The following CDH13 variants were observed in gnomAD, a reference collection of about 807,000 sequenced individuals.
CDH13 encodes the protein cadherin 13.
Under a neutral mutation model 63.8 loss-of-function variants are expected in CDH13, and 24 were observed. That is an observed-to-expected ratio of 0.38 (90% confidence interval 0.27 to 0.53). CDH13 has a LOEUF of 0.53. CDH13 is among the 20% of genes least tolerant of loss of function. The pLI, the probability that CDH13 is intolerant of heterozygous loss-of-function variation, is 0.85. For missense variants in CDH13, 1,049 were observed against 903.1 expected (o/e 1.16, Z -2.07); for synonymous variants, 503 against 355.3 (o/e 1.42, Z -4.67).
chr16:82,693,459 C>T lies in CDH13; in HGVS notation c.45+66322C>T, dbSNP rs192462307. The stretch of plus-strand genomic sequence containing the variant: ...CATCCTCAGGAAGACCACTTCCCAG[C>T]TTGCGACCTAAACATTTAGGTCTAA... On this transcript the variant is annotated intron_variant, in intron 1 of 13. Coordinates refer to ENST00000567109, the MANE Select transcript of CDH13 (RefSeq NM_001257.5). Among the ~76,000 whole-genome samples, 11 of 152,338 alleles carry T rather than the reference C, an allele frequency of 7.2e-5. No homozygotes were observed. In the East Asian group the frequency reaches 2.1e-3, roughly 29 times the overall value.
chr16:83,672,367 A>G (rs930429735), intron 9 of CDH13, among the ~76,000 whole-genome samples: 2 of 124,692 alleles, frequency 1.6e-5, no homozygotes, highest in Non-Finnish European at 3.2e-5. Flanking sequence ...TTCTCTCTCT[A>G]TCCTCACATG....
chr16:82,737,401 C>T (rs1235419223), intron 1 of CDH13, among the ~76,000 whole-genome samples: 1 of 152,148 alleles, frequency 6.6e-6, no homozygotes, highest in Non-Finnish European at 1.5e-5. Flanking sequence ...TCCATTTCAC[C>T]CACCGTTGTG....
intron 13 of CDH13, among the ~76,000 whole-genome samples, chr16:83,791,792 C>T (rs942687755): frequency 9.0e-6 from 1 of 111,292 alleles, no homozygotes; most frequent in East Asian, 2.8e-4. Flanking sequence ...GCCTGGGCAA[C>T]AGAGCAAGAC....
chr16:82,960,010 T>C (rs1906728928), intron 2 of CDH13, among the ~76,000 whole-genome samples: 1 of 152,238 alleles, frequency 6.6e-6, no homozygotes, highest in Non-Finnish European at 1.5e-5. Flanking sequence ...AGAGCGGCTA[T>C]ACCATTTTAC....
chr16:82,842,305 CCTT>C (rs1227117205), intron 1 of CDH13, among the ~76,000 whole-genome samples: 1 of 151,390 alleles, frequency 6.6e-6, no homozygotes, highest in African/African-American at 2.4e-5. Flanking sequence ...ACATCTGAGT[CCTT>C]CTGAGTAGTA....
chr16:83,566,517 C>CCATTCTA (rs1247811975), intron 7 of CDH13, among the ~76,000 whole-genome samples: 1 of 152,000 alleles, frequency 6.6e-6, no homozygotes, highest in Non-Finnish European at 1.5e-5. Context: ...CCTCCATTCT[C>CCATTCTA]CATTCTCCCT....
At chr16:83,108,284 C>T (rs2034882977) in intron 3 of CDH13, among the ~76,000 whole-genome samples, 2 of 152,218 alleles carry the variant, frequency 1.3e-5, no homozygotes, top group Non-Finnish European at 1.5e-5. Flanking sequence ...GAAAAGCCAA[C>T]TCTGTCCATG....
intron 2 of CDH13, among the ~76,000 whole-genome samples, chr16:83,005,761 G>A (rs1054592950): frequency 6.6e-6 from 1 of 152,104 alleles, no homozygotes; most frequent in Non-Finnish European, 1.5e-5. Flanking sequence ...GCTTTGTTTT[G>A]TTTTGATTTG....
chr16:83,749,023 C>A (rs12599726), intron 11 of CDH13, among the ~76,000 whole-genome samples: 5,409 of 152,210 alleles, frequency 0.036, 293 homozygotes, highest in Admixed American at 0.13. Context: ...ACTTTGAATG[C>A]AGAGCTGACA....
chr16:83,592,149 T>G (rs1366091095), intron 7 of CDH13, among the ~76,000 whole-genome samples: 5 of 152,218 alleles, frequency 3.3e-5, no homozygotes, highest in Non-Finnish European at 7.3e-5. Context: ...GGGACTTGAT[T>G]CCTGTTACTT....
At chr16:83,098,415 T>C (rs1005774174) in intron 3 of CDH13, among the ~76,000 whole-genome samples, 2 of 152,190 alleles carry the variant, frequency 1.3e-5, no homozygotes, top group Non-Finnish European at 2.9e-5. Context: ...GAAAAAGGCA[T>C]ATTTTTCCAC....
At chr16:83,089,259 G>T (rs972144606) in intron 3 of CDH13, among the ~76,000 whole-genome samples, 2 of 152,186 alleles carry the variant, frequency 1.3e-5, no homozygotes, top group African/African-American at 4.8e-5. Flanking sequence ...ATCTCTATTT[G>T]ATCATTAGCG....
chr16:83,373,842 C>T (rs760640270), intron 6 of CDH13, among the ~76,000 whole-genome samples: 25 of 152,098 alleles, frequency 1.6e-4, no homozygotes, highest in Non-Finnish European at 3.2e-4. Flanking sequence ...ATCTGGAAGG[C>T]GTGAGTCCCA....
At chr16:83,758,801 C>G (rs960347541) in intron 11 of CDH13, among the ~76,000 whole-genome samples, 2 of 152,144 alleles carry the variant, frequency 1.3e-5, no homozygotes, top group African/African-American at 2.4e-5. Flanking sequence ...CACCAAATAG[C>G]AAGGTATAAA....
chr16:83,662,902 C>A (rs1195689791), intron 8 of CDH13, among the ~76,000 whole-genome samples: 1 of 152,186 alleles, frequency 6.6e-6, no homozygotes, highest in African/African-American at 2.4e-5. Flanking sequence ...GAGAGCAGGA[C>A]TGGGAAACCA....
chr16:82,733,187 G>A (rs1160737139), intron 1 of CDH13, among the ~76,000 whole-genome samples: 1 of 152,130 alleles, frequency 6.6e-6, no homozygotes, highest in Non-Finnish European at 1.5e-5. Flanking sequence ...ACATTGGCTG[G>A]CTTTACATAT....
chr16:83,624,266 A>C (rs1182600886), intron 8 of CDH13, among the ~76,000 whole-genome samples: 1 of 152,042 alleles, frequency 6.6e-6, no homozygotes, highest in East Asian at 1.9e-4. Context: ...TCTCATAGAA[A>C]GACTTTTGGT....
chr16:83,542,659 C>T (rs1348599942), intron 7 of CDH13, among the ~76,000 whole-genome samples: 2 of 152,212 alleles, frequency 1.3e-5, no homozygotes, highest in African/African-American at 2.4e-5. Context: ...TTGTGTCTTC[C>T]AGCTTCTGAT....
At chr16:82,886,276 GA>G (rs1374368705) in intron 2 of CDH13, among the ~76,000 whole-genome samples, 3 of 152,146 alleles carry the variant, frequency 2.0e-5, no homozygotes, top group Non-Finnish European at 4.4e-5. Context: ...TTTCAGAAGT[GA>G]AATTGGTGGT....
Sources: gnomAD v4.1 joint callset for allele counts (sites outside exome capture counted in the v4.1 genomes callset) on GRCh38, gnomAD v4.1.1 for gene constraint, MANE v1.5 for transcripts, NCBI Gene and HGNC (gene_info 2026-07-23, HGNC 2026-07-21) for gene names.